Variants in RFWD3 observed in about 807,000 individuals in gnomAD.
The protein encoded by RFWD3 is E3 ubiquitin-protein ligase RFWD3.
In RFWD3, 65 loss-of-function variants were observed where a neutral mutation model predicts 87.7. The ratio of observed to expected loss-of-function variants is 0.74; its 90% CI spans 0.61 to 0.91. The LOEUF (loss-of-function observed/expected upper bound fraction) is 0.91, where lower values mean the gene tolerates loss of function less well. Ranked by LOEUF, RFWD3 falls within the 40% of genes least tolerant of loss-of-function variation. RFWD3 has a pLI of 0.00. For missense variants in RFWD3, 1,078 were observed against 938.5 expected (o/e 1.15, Z -1.94); for synonymous variants, 433 against 352.8 (o/e 1.23, Z -2.55).
chr16:74,649,216 TC>T lies in RFWD3; in HGVS notation c.722-15del. The stretch of plus-strand genomic sequence containing the variant: ...CTGCTAGTTGCTCTGCCAAGTCATT[TC>T]CAGAAATGACAGGAGAGGTAAAATA... On this transcript the variant is annotated splice_polypyrimidine_tract_variant and intron_variant, in intron 3 of 12. Transcript: ENST00000361070. 1 of 1,548,234 alleles carries T rather than the reference TC, an allele frequency of 6.5e-7. No individual in the cohort carries two copies. The highest frequency in any genetic ancestry group is 8.7e-7 in the Non-Finnish European group (1 of 1,154,516).
Position 74,634,033 on chromosome 16 carries a change from G to T in RFWD3, c.1427-1360C>A, listed in dbSNP as rs138435639. On this transcript the variant is annotated intron_variant, in intron 8 of 12. Coordinates refer to ENST00000361070, the MANE Select transcript of RFWD3 (RefSeq NM_018124.4). ...TCTTGATTGTAGTCATGGTTTCAGG[G>T]GTGTATTACATATGTTAAAAGTCAT... Among the ~76,000 whole-genome samples, 51 of 151,964 alleles carry T rather than the reference G, an allele frequency of 3.4e-4. No homozygotes were observed. The East Asian group carries it at 9.4e-3, about 28-fold the overall frequency.
At chr16:74,650,612 T>C (rs1211578467) in intron 3 of RFWD3, among the ~76,000 whole-genome samples, 6 of 152,116 alleles carry the variant, frequency 3.9e-5, no homozygotes. Flanking sequence ...TATAATTTAA[T>C]TGGGGGTCAC....
At chr16:74,644,235 A>T in intron 6 of RFWD3, 127 bp downstream of exon 6, 1 of 834,878 alleles carries the variant, frequency 1.2e-6, no homozygotes, top group Non-Finnish European at 2.1e-6. Context: ...ACTGCCAATG[A>T]TCCCCAGAGA....
chr16:74,639,643 C>A (rs1484181006), intron 6 of RFWD3, among the ~76,000 whole-genome samples: 1 of 152,066 alleles, frequency 6.6e-6, no homozygotes. Context: ...CAATCAAGAT[C>A]CCAAAGGTGT....
At chr16:74,643,981 C>A in intron 6 of RFWD3, 1 of 268,666 alleles carries the variant, frequency 3.7e-6, no homozygotes, top group Admixed American at 4.5e-5. Flanking sequence ...CCGGCCCTAG[C>A]AACTGTTTTG....
intron 6 of RFWD3, among the ~76,000 whole-genome samples, chr16:74,638,449 A>G (rs1476771478): frequency 6.6e-6 from 1 of 152,266 alleles, no homozygotes; most frequent in Admixed American, 6.5e-5. Context: ...ATAAATAGGC[A>G]TAACGAGGAA....
At chr16:74,658,675 T>C (rs1185312938) in intron 2 of RFWD3, among the ~76,000 whole-genome samples, 1 of 152,218 alleles carries the variant, frequency 6.6e-6, no homozygotes, top group Non-Finnish European at 1.5e-5. Flanking sequence ...GTTATTCCCT[T>C]TGTGGAGACA....
At chr16:74,624,178 T>C (rs1238583519) in intron 12 of RFWD3, 107 bp from the exon 13 acceptor site, 2 of 1,331,470 alleles carry the variant, frequency 1.5e-6, no homozygotes, top group East Asian at 2.5e-5. Flanking sequence ...GAACACTACC[T>C]GGAGAGCAAA....
chr16:74,644,121 G>A (rs1004688513), intron 6 of RFWD3: 1 of 561,798 alleles, frequency 1.8e-6, no homozygotes, highest in Non-Finnish European at 3.2e-6. Flanking sequence ...GGCAACAGAA[G>A]TAATGTGCCA....
intron 6 of RFWD3, chr16:74,643,968 T>TGC (rs1959897673): frequency 1.1e-5 from 3 of 262,250 alleles, no homozygotes; most frequent in African/African-American, 6.6e-5. Flanking sequence ...TGAGCCACCA[T>TGC]GCCCGGCCCT....
rs918972018 is a variant in RFWD3 at position 74,623,319 on chromosome 16, T to C, written c.*609A>G. 1 of 152,732 alleles carries C rather than the reference T, an allele frequency of 6.5e-6. No individual in the cohort carries two copies. Among genetic ancestry groups the C allele is most frequent in the Non-Finnish European group, 1.5e-5 (1 of 68,092 alleles). 9.5% of individuals were successfully genotyped at this position (152,732 alleles called of 1,614,324 possible). On this transcript the variant is annotated 3_prime_UTR_variant, in exon 13 of 13. Coordinates refer to ENST00000361070, the MANE Select transcript of RFWD3 (RefSeq NM_018124.4). ...CTTCACACCTGGAACACAAGTGTTA[T>C]TGCCACAAAGCACACCCAGGTGTGC...
chr16:74,649,642 A>G (rs976042248), intron 3 of RFWD3, among the ~76,000 whole-genome samples: 5 of 152,194 alleles, frequency 3.3e-5, no homozygotes, highest in African/African-American at 9.7e-5. Flanking sequence ...AATATTAACA[A>G]TAATCCTCCA....
At chr16:74,627,539 T>G (rs1597407696) in intron 11 of RFWD3, among the ~76,000 whole-genome samples, 2 of 152,312 alleles carry the variant, frequency 1.3e-5, no homozygotes, top group African/African-American at 2.4e-5. Flanking sequence ...CTGTGTTTTG[T>G]GCACTGCCTC....
intron 2 of RFWD3, among the ~76,000 whole-genome samples, chr16:74,655,442 T>G (rs1360067342): frequency 6.6e-6 from 1 of 150,506 alleles, no homozygotes; most frequent in Admixed American, 6.6e-5. Flanking sequence ...AGAGATGAGG[T>G]TTCACCCTGT....
chr16:74,631,274 A>AG (rs1959084942), intron 9 of RFWD3, among the ~76,000 whole-genome samples: 1 of 152,176 alleles, frequency 6.6e-6, no homozygotes, highest in African/African-American at 2.4e-5. Flanking sequence ...ACTTGAGGTC[A>AG]GGAGTTTGAG....
intron 2 of RFWD3, among the ~76,000 whole-genome samples, chr16:74,655,942 T>A (rs771455866): frequency 1.3e-5 from 2 of 152,132 alleles, no homozygotes; most frequent in Non-Finnish European, 2.9e-5. Flanking sequence ...AAGGATTCCT[T>A]TAAATATATT....
Position 74,644,710 on chromosome 16 carries a change from AG to A in RFWD3, c.817del (p.Leu273CysfsTer75). ...CTCATCCATAGAAGCAGAAGGTAGC[AG>A]AGGCTCAGACTTCTGGGGAGATGGC... The part of the protein sequence containing the change: ...KQPSPQKSEP[L>X]LPSASMDEEE... On this transcript the variant is annotated frameshift_variant, in exon 5 of 13. Coordinates refer to ENST00000361070, the MANE Select transcript of RFWD3 (RefSeq NM_018124.4). LOFTEE classifies it high-confidence loss of function. The A allele has an allele frequency of 1.9e-6, 3 of 1,614,170 alleles. No homozygotes were observed. Among genetic ancestry groups the A allele is most frequent in the Non-Finnish European group, 2.5e-6 (3 of 1,179,996 alleles).
intron 6 of RFWD3, among the ~76,000 whole-genome samples, chr16:74,643,181 A>T (rs1049601391): frequency 1.3e-5 from 2 of 152,100 alleles, no homozygotes; most frequent in Non-Finnish European, 2.9e-5. Flanking sequence ...GATAGGATCT[A>T]TGTTGGCCAG....
At chr16:74,627,924 T>C (rs1958984424) in intron 11 of RFWD3, among the ~76,000 whole-genome samples, 1 of 152,238 alleles carries the variant, frequency 6.6e-6, no homozygotes, top group Non-Finnish European at 1.5e-5. Context: ...TTTAGATTCA[T>C]GCCGCTTAGC....
Sources: allele counts gnomAD v4.1 joint callset (sites outside exome capture counted in the v4.1 genomes callset), GRCh38; gene constraint gnomAD v4.1.1; transcripts MANE v1.5; gene names NCBI Gene and HGNC (gene_info 2026-07-23, HGNC 2026-07-21).